DDI2: variants seen among roughly 807,000 people sequenced by gnomAD.
DDI2 encodes DDI proteasomal shuttling factor 2, also known as protein DDI1 homolog 2.
DDI2 carries 5 observed loss-of-function variants against 48.1 expected under a neutral mutation model. That is an observed-to-expected ratio of 0.10 (90% CI 0.05 to 0.22). DDI2 has a LOEUF of 0.22. Ranked by LOEUF, DDI2 falls within the 10% of genes least tolerant of loss-of-function variation. The pLI is 1.00. For synonymous variants in DDI2, 205 were observed against 183.6 expected, an observed-to-expected ratio of 1.12 and a Z score of -0.94; for missense variants, 285 against 506.2, an observed-to-expected ratio of 0.56 and a Z score of 4.19.
In DDI2 at chr1:15,660,163, A is replaced by G; in HGVS notation, c.*373A>G. Reference sequence around the variant, plus strand: ...CCAGAGTCCAGCTATGCCTATGCAGAATTCATCCGAAGAAATAACTGTTGC... The same window carrying G: ...CCAGAGTCCAGCTATGCCTATGCAGGATTCATCCGAAGAAATAACTGTTGC... On this transcript the variant is annotated 3_prime_UTR_variant, in exon 10 of 10. Transcript: ENST00000480945. 6.2e-7 allele frequency: 1 copy of G among 1,614,246 alleles called. No individual in the cohort carries two copies. Among genetic ancestry groups the G allele is most frequent in the Non-Finnish European group, 8.5e-7 (1 of 1,180,042 alleles).
intron 8 of DDI2, chr1:15,656,312 G>A (rs1640272891): frequency 1.1e-6 from 1 of 909,200 alleles, no homozygotes; most frequent in Non-Finnish European, 1.5e-6. Flanking sequence ...AATTCGATCA[G>A]GTGGATCTAC....
intron 7 of DDI2, among the ~76,000 whole-genome samples, 181 bp from the exon 8 acceptor site, chr1:15,651,525 G>A (rs1283383743): frequency 6.6e-6 from 1 of 152,006 alleles, no homozygotes; most frequent in Non-Finnish European, 1.5e-5. Flanking sequence ...CACCGTGTTG[G>A]CCAGGCTGGT....
chr1:15,643,230 C>T (rs1351648110), intron 5 of DDI2, among the ~76,000 whole-genome samples: 3 of 152,196 alleles, frequency 2.0e-5, no homozygotes, highest in African/African-American at 4.8e-5. Context: ...CATCTGTAGA[C>T]GCAGGACATC....
chr1:15,633,640 T>A, intron 4 of DDI2, 75 bp downstream of exon 4: 1 of 1,586,648 alleles, frequency 6.3e-7, no homozygotes, highest in South Asian at 1.1e-5. Context: ...CTGACATTGG[T>A]TGGGCATCTG....
chr1:15,658,549 G>A (rs1406892264), intron 9 of DDI2, among the ~76,000 whole-genome samples: 5 of 151,286 alleles, frequency 3.3e-5, no homozygotes, highest in African/African-American at 1.2e-4. Context: ...GATCACCTGA[G>A]GTCAAGAGTT....
rs1260077388 is a variant in DDI2, at chr1:15,660,858, C to T, written c.*1068C>T. ...CAAATAAAGAATATGGCCATTACTC[C>T]TCTCCAAGTCTCTGTGGCAGTTGTC... On this transcript the variant is annotated 3_prime_UTR_variant, in exon 10 of 10. Coordinates refer to ENST00000480945, the MANE Select transcript of DDI2 (RefSeq NM_032341.5). 1 of 1,614,168 alleles carries T rather than the reference C, an allele frequency of 6.2e-7. No homozygotes were observed. Among genetic ancestry groups the T allele is most frequent in the Non-Finnish European group, 8.5e-7 (1 of 1,180,026 alleles).
Position 15,661,744 on chromosome 1 carries a change from C to G in DDI2, c.*1954C>G, listed in dbSNP as rs184048113. On this transcript the variant is annotated 3_prime_UTR_variant, in exon 10 of 10. Coordinates refer to ENST00000480945, the MANE Select transcript of DDI2 (RefSeq NM_032341.5). ...ATGACTGTGGGAAAGTGGGCTAGAC[C>G]GTTCTCCATTCCCTTTAAACAAAAG... The G allele has an allele frequency of 2.5e-6, 4 of 1,580,394 alleles. No individual in the cohort carries two copies. The African/African-American group carries it at 4.1e-5, about 16-fold the overall frequency.
intron 8 of DDI2, 69 bp downstream of exon 8, chr1:15,651,964 A>G: frequency 6.7e-7 from 1 of 1,490,100 alleles, no homozygotes; most frequent in Non-Finnish European, 9.0e-7. Flanking sequence ...TGGGCTTCAG[A>G]AGGGGTAGGA....
In DDI2 at chr1:15,652,759, C is replaced by T. The variant is rs6666876; in HGVS notation, c.1183+864C>T. Among the ~76,000 whole-genome samples the T allele has an allele frequency of 8.8e-3, 1,333 of 151,836 alleles. 19 individuals carry two copies. The highest frequency in any genetic ancestry group is 0.029 in the African/African-American group (1,221 of 41,398). Reference sequence around the variant, plus strand: ...AATGACATAAACCCAGGGGGCGGAGCTTGCAGTGAGCTGAGATCGCACCAC... The same window carrying T: ...AATGACATAAACCCAGGGGGCGGAGTTTGCAGTGAGCTGAGATCGCACCAC... On this transcript the variant is annotated intron_variant, in intron 8 of 9. Transcript: ENST00000480945.
chr1:15,635,492 G>A (rs555509974), intron 4 of DDI2, among the ~76,000 whole-genome samples: 7 of 152,014 alleles, frequency 4.6e-5, no homozygotes, highest in Non-Finnish European at 1.0e-4. Context: ...TGCAGCCTCC[G>A]CCTCCCAAGT....
chr1:15,633,586 A>G, intron 4 of DDI2, 21 bp downstream of exon 4: 2 of 1,607,696 alleles, frequency 1.2e-6, no homozygotes, highest in Non-Finnish European at 1.7e-6. Context: ...GTTCATCTAA[A>G]GAACAAAACT....
chr1:15,648,467 G>A lies in DDI2; in HGVS notation c.890-1253G>A, dbSNP rs1007704417. Among the ~76,000 whole-genome samples the A allele has an allele frequency of 3.9e-5, 6 of 152,364 alleles. No individual in the cohort carries two copies. In the East Asian group the frequency reaches 1.2e-3, roughly 29 times the overall value. On this transcript the variant is annotated intron_variant, in intron 6 of 9. Coordinates refer to ENST00000480945, the MANE Select transcript of DDI2 (RefSeq NM_032341.5). Reference sequence around the variant, plus strand: ...TTGAGATGCCATCAAAATCCTGGTAGATTTTTTGTGAGACTGGATGTGCTC... The same window carrying A: ...TTGAGATGCCATCAAAATCCTGGTAAATTTTTTGTGAGACTGGATGTGCTC...
chr1:15,637,658 G>T (rs945908799), intron 4 of DDI2, among the ~76,000 whole-genome samples: 1 of 152,232 alleles, frequency 6.6e-6, no homozygotes, highest in African/African-American at 2.4e-5. Flanking sequence ...GTGAGCCACC[G>T]TGTGCGGCCA....
Position 15,661,986 on chromosome 1 carries a change from C to T in DDI2, c.*2196C>T. 2.9e-6 allele frequency: 1 copy of T among 346,536 alleles called. No homozygotes were observed. The highest frequency in any genetic ancestry group is 5.2e-6 in the Non-Finnish European group (1 of 193,722). 21.5% of individuals were successfully genotyped at this position (346,536 alleles called of 1,614,324 possible). A position where few individuals can be genotyped will look rare whatever the true frequency, so the allele number is the denominator to read the frequency against. ...TATGTGCATACAGAAGCTTTTTATTCTCATTAAGATGTATCCTGGAATAAA... is the reference window on the plus strand; with the variant it reads ...TATGTGCATACAGAAGCTTTTTATTTTCATTAAGATGTATCCTGGAATAAA... On this transcript the variant is annotated 3_prime_UTR_variant, in exon 10 of 10. Coordinates refer to ENST00000480945, the MANE Select transcript of DDI2 (RefSeq NM_032341.5).
chr1:15,622,107 G>A (rs553343965), intron 1 of DDI2, among the ~76,000 whole-genome samples: 2 of 151,772 alleles, frequency 1.3e-5, no homozygotes, highest in East Asian at 1.9e-4. Flanking sequence ...ATGGGATCTC[G>A]CTCTCGCCCA....
chr1:15,635,040 C>T (rs1400474004), intron 4 of DDI2, among the ~76,000 whole-genome samples: 1 of 152,050 alleles, frequency 6.6e-6, no homozygotes, highest in Non-Finnish European at 1.5e-5. Flanking sequence ...CCAGCCTGGG[C>T]AGCAAAGTGA....
In DDI2 at chr1:15,645,593, C is replaced by T. The variant is rs575488982; in HGVS notation, c.889+1943C>T. Among the ~76,000 whole-genome samples, 10 of 152,246 alleles carry T rather than the reference C, an allele frequency of 6.6e-5. No homozygotes were observed. In the East Asian group the frequency reaches 1.7e-3, roughly 26 times the overall value. Reference sequence around the variant, plus strand: ...CATTGAAGAGTGGGCCACTGGCTGGCCGGGATGGCTCACACCTATAATCCC... The same window carrying T: ...CATTGAAGAGTGGGCCACTGGCTGGTCGGGATGGCTCACACCTATAATCCC... On this transcript the variant is annotated intron_variant, in intron 6 of 9. Transcript: ENST00000480945.
intron 5 of DDI2, among the ~76,000 whole-genome samples, chr1:15,641,048 G>A (rs1210487189): frequency 6.6e-6 from 1 of 152,202 alleles, no homozygotes; most frequent in African/African-American, 2.4e-5. Flanking sequence ...AGAATGTACG[G>A]CTGGAAAGAA....
In DDI2 at chr1:15,661,103, C is replaced by G; in HGVS notation, c.*1313C>G. Reference sequence around the variant, plus strand: ...CATCTTACCCAGAATGAACAGTGTCCACAAGTCTCCTTTCATCAGGCCATA... The same window carrying G: ...CATCTTACCCAGAATGAACAGTGTCGACAAGTCTCCTTTCATCAGGCCATA... On this transcript the variant is annotated 3_prime_UTR_variant, in exon 10 of 10. Transcript: ENST00000480945. The G allele has an allele frequency of 6.2e-7, 1 of 1,613,798 alleles. No individual in the cohort carries two copies. The highest frequency in any genetic ancestry group is 1.6e-4 in the Middle Eastern group (1 of 6,062).
Sources: allele counts gnomAD v4.1 joint callset (sites outside exome capture counted in the v4.1 genomes callset), GRCh38; gene constraint gnomAD v4.1.1; transcripts MANE v1.5; gene names NCBI Gene and HGNC (gene_info 2026-07-23, HGNC 2026-07-21).